The following FBXO43 variants were observed in gnomAD, a reference collection of about 807,000 sequenced individuals.
FBXO43 encodes the protein F-box protein 43.
In FBXO43, 22 loss-of-function variants were observed where a neutral mutation model predicts 56.7. The ratio of observed to expected loss-of-function variants is 0.39; its 90% CI spans 0.28 to 0.55. The LOEUF (loss-of-function observed/expected upper bound fraction) is 0.55. Among genes scored for constraint, FBXO43 ranks in the 20% least tolerant of loss-of-function variants. The pLI, the probability that FBXO43 is intolerant of heterozygous loss-of-function variation, is 0.66. For synonymous variants in FBXO43, 306 were observed against 294.5 expected (o/e 1.04, Z -0.40); for missense variants, 733 against 814.9 (o/e 0.90, Z 1.22).
rs1162674786 is a variant in FBXO43 at position 100,134,187 on chromosome 8, T to C, written c.1852A>G (p.Ser618Gly). Residue 618 changes from serine (S) to glycine (G), a missense_variant, in exon 4 of 5, where the codon AGT (serine) becomes GGT (glycine). Transcript: ENST00000428847. Reference sequence around the variant, plus strand: ...TTAACATATTCTTCCTGTTTACTACTTAAGTGAGTAACAGAAGAGCTTGCT... The same window carrying C: ...TTAACATATTCTTCCTGTTTACTACCTAAGTGAGTAACAGAAGAGCTTGCT... Reference protein sequence around the residue: ...PLASSSVTHLSSKQEEYVKVA... With the variant: ...PLASSSVTHLGSKQEEYVKVA... 7.0e-5 allele frequency: 113 copies of C among 1,614,134 alleles called. No individual in the cohort carries two copies. The highest frequency in any genetic ancestry group is 9.4e-5 in the Non-Finnish European group (111 of 1,179,982).
Position 100,142,285 on chromosome 8 carries a change from GAA to G in FBXO43, c.86-119_86-118del. 6.9e-6 allele frequency: 7 copies of G among 1,018,088 alleles called. No homozygotes were observed. In the East Asian group the frequency reaches 1.9e-4, roughly 28 times the overall value. The allele number at this position is 1,018,088 out of a possible 1,614,324, so 63.1% of individuals were successfully genotyped here. On this transcript the variant is annotated intron_variant, in intron 1 of 4. Coordinates refer to ENST00000428847, the MANE Select transcript of FBXO43 (RefSeq NM_001029860.4). The stretch of plus-strand genomic sequence containing the variant: ...AATGGAAAATTGTATGACAATTTTT[GAA>G]AAGTTACTTTAAAAAAACAATTCTA...
Position 100,140,665 on chromosome 8 carries a change from A to G in FBXO43, c.1571+18T>C. On this transcript the variant is annotated intron_variant, in intron 2 of 4. Transcript: ENST00000428847. ...TAAAAAAAGAAGTTTTATTTCATAA[A>G]CAACTCTTACTTCTTACCTGCATAG... 1 of 1,530,908 alleles carries G rather than the reference A, an allele frequency of 6.5e-7. No homozygotes were observed. Among genetic ancestry groups the G allele is most frequent in the South Asian group, 1.3e-5 (1 of 76,264 alleles). 94.8% of individuals were successfully genotyped at this position (1,530,908 alleles called of 1,614,324 possible). A position where few individuals can be genotyped will look rare whatever the true frequency, so the allele number is the denominator to read the frequency against.
chr8:100,144,331 G>A (rs533928237), intron 1 of FBXO43, among the ~76,000 whole-genome samples: 1 of 151,800 alleles, frequency 6.6e-6, no homozygotes, highest in East Asian at 2.0e-4. Context: ...GGGTAACATA[G>A]TGAGACCCCA....
chr8:100,144,628 GA>G (rs912423794), intron 1 of FBXO43, among the ~76,000 whole-genome samples: 2,346 of 113,258 alleles, frequency 0.021, 18 homozygotes, highest in African/African-American at 0.038. Context: ...TGTTCTTTAA[GA>G]AAAAAAAAAA....
intron 2 of FBXO43, among the ~76,000 whole-genome samples, chr8:100,138,981 T>G (rs1221326579): frequency 1.3e-5 from 2 of 152,230 alleles, no homozygotes; most frequent in East Asian, 3.8e-4. Flanking sequence ...ACTAATCTGT[T>G]TATTATCCTA....
At position 100,141,098 on chromosome 8, in the gene FBXO43, T is replaced by C; in HGVS notation, c.1156A>G (p.Thr386Ala). ...GACTGCGAGCTTTGTTCCCGAAGGGTGGACAGTCTTCTCGACCTTCCAAGA... is the reference window on the plus strand; with the variant it reads ...GACTGCGAGCTTTGTTCCCGAAGGGCGGACAGTCTTCTCGACCTTCCAAGA... ...RHLGRSRRLS[T>A]LREQSSQSET... The change falls in exon 2 of 5, where the codon ACC (threonine) becomes GCC (alanine). Residue 386 changes from threonine (T) to alanine (A), a missense_variant. Thr to Ala is a moderately conservative substitution (Grantham distance 58). Coordinates refer to ENST00000428847, the MANE Select transcript of FBXO43 (RefSeq NM_001029860.4). 1 of 1,614,198 alleles carries C rather than the reference T, an allele frequency of 6.2e-7. No individual in the cohort carries two copies. Among genetic ancestry groups the C allele is most frequent in the Non-Finnish European group, 8.5e-7 (1 of 1,180,032 alleles).
In FBXO43 at chr8:100,145,206, G is replaced by C; in HGVS notation, c.-71C>G. The C allele has an allele frequency of 7.4e-7, 1 of 1,355,858 alleles. No homozygotes were observed. The highest frequency in any genetic ancestry group is 2.2e-5 in the Admixed American group (1 of 46,276). The allele number at this position is 1,355,858 out of a possible 1,614,324, so 84.0% of individuals were successfully genotyped here. On this transcript the variant is annotated 5_prime_UTR_variant, in exon 1 of 5. It adds an upstream start codon to the 5' untranslated region. Transcript: ENST00000428847. ...TAATTGAAAGGTGCAGCAGCATCATGATTGCTCAAAGTCGAAGGGTACACA... is the reference window on the plus strand; with the variant it reads ...TAATTGAAAGGTGCAGCAGCATCATCATTGCTCAAAGTCGAAGGGTACACA...
upstream of FBXO43, among the ~76,000 whole-genome samples, chr8:100,149,403 G>A (rs2132154142): frequency 6.6e-6 from 1 of 152,298 alleles, no homozygotes; most frequent in African/African-American, 2.4e-5. Flanking sequence ...TTTCGCTTAG[G>A]ATAACAATGG....
chr8:100,141,703 A>C lies in FBXO43; in HGVS notation c.551T>G (p.Ile184Ser). 6.2e-7 allele frequency: 1 copy of C among 1,610,900 alleles called. No homozygotes were observed. Among genetic ancestry groups the C allele is most frequent in the Non-Finnish European group, 8.5e-7 (1 of 1,177,732 alleles). ...SSLESSISQV[I>S]NLEKNIPSSA... is the part of the protein sequence containing the mutation. ...GCTTGGAATATTTTTTTCTAAGTTG[A>C]TAACTTGGCTTATACTACTTTCTAA... Residue 184 changes from isoleucine (I) to serine (S), a missense_variant, in exon 2 of 5, where the codon ATC becomes AGC. Physicochemically the swap from Ile to Ser is moderately radical, Grantham distance 142. Transcript: ENST00000428847.
At position 100,141,350 on chromosome 8, in the gene FBXO43, G is replaced by T. The variant is rs201915301; in HGVS notation, c.904C>A (p.Pro302Thr). The change falls in exon 2 of 5, where the codon CCG becomes ACG. Residue 302 changes from proline (P) to threonine (T), a missense_variant. Coordinates refer to ENST00000428847, the MANE Select transcript of FBXO43 (RefSeq NM_001029860.4). The part of the protein sequence containing the change: ...CGTDEDIFVT[P>T]ISNLVANIRF... ...ATGTTTGCCACAAGATTACTTATCG[G>T]AGTCACAAATATGTCCTCATCTGTT... 6.2e-7 allele frequency: 1 copy of T among 1,613,552 alleles called. No homozygotes were observed.
intron 1 of FBXO43, 88 bp downstream of exon 1, chr8:100,144,963 A>G: frequency 7.1e-7 from 1 of 1,406,154 alleles, no homozygotes; most frequent in Non-Finnish European, 9.4e-7. Context: ...AGAAAAAGAA[A>G]AAAAAGAAAA....
rs1169496718 is a variant in FBXO43 at position 100,145,080 on chromosome 8, A to T, written c.56T>A (p.Leu19Ter). The change falls in exon 1 of 5, where the codon TTG (leucine) becomes TAG (stop). Residue 19 changes from leucine to a stop codon, truncating the protein, a stop_gained. Transcript: ENST00000428847. LOFTEE classifies it high-confidence loss of function. ...AGTAAATCTTGAGCTCTTAGATGTC[A>T]AAGTTACGTAGGCTTCCAAACAAGA... is the stretch of plus-strand genomic sequence containing the variant. Reference protein sequence around the residue: ...RISCLEAYVTLTSKSSRFTDE... With the variant: ...RISCLEAYVT 1 of 1,612,234 alleles carries T rather than the reference A, an allele frequency of 6.2e-7. No homozygotes were observed. Among genetic ancestry groups the T allele is most frequent in the Non-Finnish European group, 8.5e-7 (1 of 1,178,684 alleles).
At chr8:100,139,985 C>T (rs988747093) in intron 2 of FBXO43, among the ~76,000 whole-genome samples, 46 of 152,126 alleles carry the variant, frequency 3.0e-4, no homozygotes, top group Non-Finnish European at 7.4e-5. Context: ...GACCAAGTGT[C>T]ATAACTTTAA....
At position 100,145,123 on chromosome 8, in the gene FBXO43, C is replaced by T. The variant is rs1025824704; in HGVS notation, c.13G>A (p.Asp5Asn). The T allele has an allele frequency of 2.6e-5, 42 of 1,608,810 alleles. No individual in the cohort carries two copies. The highest frequency in any genetic ancestry group is 3.5e-5 in the Non-Finnish European group (41 of 1,178,348). The change falls in exon 1 of 5, where the codon GAC (aspartate) becomes AAC (asparagine). Residue 5 changes from aspartate (D) to asparagine (N), a missense_variant. Transcript: ENST00000428847. MSFK[D>N]KDERISCLEA... is the part of the protein sequence containing the mutation. ...AAACAAGAAATTCTCTCATCTTTGT[C>T]TTTAAAACTCATGCCAAAATAATGC... is the stretch of plus-strand genomic sequence containing the variant.
chr8:100,138,266 AAAGT>A (rs1814534273), intron 2 of FBXO43, among the ~76,000 whole-genome samples: 1 of 152,252 alleles, frequency 6.6e-6, no homozygotes, highest in African/African-American at 2.4e-5. Flanking sequence ...TTATTATTAA[AAAGT>A]AAGACTTTGA....
Position 100,140,595 on chromosome 8 carries a change from CAAAAT to C in FBXO43, c.1571+83_1571+87del, listed in dbSNP as rs921365192. 3.6e-5 allele frequency: 39 copies of C among 1,074,826 alleles called. No homozygotes were observed. In the East Asian group the frequency reaches 9.6e-4, roughly 27 times the overall value. The allele number at this position is 1,074,826 out of a possible 1,614,324, so 66.6% of individuals were successfully genotyped here. A position where few individuals can be genotyped will look rare whatever the true frequency, so the allele number is the denominator to read the frequency against. On this transcript the variant is annotated intron_variant, in intron 2 of 4. Transcript: ENST00000428847. The stretch of plus-strand genomic sequence containing the variant: ...ACAACAAAAGACAGAGATAATAAAA[CAAAAT>C]AAAGGACAACCACTCAAGTCACAGA...
Position 100,134,575 on chromosome 8 carries a change from A to G in FBXO43, c.1675-211T>C, listed in dbSNP as rs981031914. ...AAAAGTTAAATAAATATAAAAAGAA[A>G]AAAATTTAAATTAAATTCTTCATCT... On this transcript the variant is annotated intron_variant, in intron 3 of 4. Coordinates refer to ENST00000428847, the MANE Select transcript of FBXO43 (RefSeq NM_001029860.4). 2.0e-5 allele frequency among the ~76,000 whole-genome samples: 3 copies of G among 152,152 alleles called. 1 individual carries two copies. The highest frequency in any genetic ancestry group is 4.4e-5 in the Non-Finnish European group (3 of 68,028).
intron 2 of FBXO43, 56 bp from the exon 3 acceptor site, chr8:100,137,723 G>T: frequency 7.8e-7 from 1 of 1,281,328 alleles, no homozygotes; most frequent in Admixed American, 2.3e-5. Flanking sequence ...TTAACATTTT[G>T]TTGTATACGC....
At chr8:100,137,831 A>G (rs1814521489) in intron 2 of FBXO43, among the ~76,000 whole-genome samples, 164 bp from the exon 3 acceptor site, 1 of 152,072 alleles carries the variant, frequency 6.6e-6, no homozygotes, top group Non-Finnish European at 1.5e-5. Flanking sequence ...GTTATTTCAT[A>G]TTAATTCATC....
Sources: gnomAD v4.1 joint callset for allele counts (sites outside exome capture counted in the v4.1 genomes callset) on GRCh38, gnomAD v4.1.1 for gene constraint, MANE v1.5 for transcripts, NCBI Gene and HGNC (gene_info 2026-07-23, HGNC 2026-07-21) for gene names.